Variants in MCUB observed in about 807,000 individuals in gnomAD.
MCUB encodes mitochondrial calcium uniporter dominant negative subunit beta, also known as calcium uniporter regulatory subunit MCUb, mitochondrial.
In MCUB, 46 loss-of-function variants were observed where a neutral mutation model predicts 41.4. That is an observed-to-expected ratio of 1.11 (90% CI 0.88 to 1.42). MCUB has a LOEUF of 1.42. Among genes scored for constraint, MCUB ranks in the 40% most tolerant of loss-of-function variants. MCUB has a pLI of 0.00. For synonymous variants in MCUB, 148 were observed against 148.2 expected (o/e 1.00, Z 0.01); for missense variants, 403 against 404.9 (o/e 1.00, Z 0.04).
intron 1 of MCUB, among the ~76,000 whole-genome samples, chr4:109,602,543 C>T (rs940410210): frequency 2.6e-5 from 4 of 152,090 alleles, no homozygotes; most frequent in African/African-American, 9.7e-5. Context: ...TTTCTGGGTT[C>T]TCTATTCTGT....
At chr4:109,603,994 G>A (rs1290999176) in intron 1 of MCUB, among the ~76,000 whole-genome samples, 2 of 152,170 alleles carry the variant, frequency 1.3e-5, no homozygotes, top group African/African-American at 4.8e-5. Flanking sequence ...TACTGTGTCT[G>A]TGTAGAAAGA....
intron 1 of MCUB, among the ~76,000 whole-genome samples, chr4:109,575,153 G>A (rs1186539630): frequency 6.6e-6 from 1 of 152,118 alleles, no homozygotes; most frequent in Non-Finnish European, 1.5e-5. Flanking sequence ...CTATCACAAT[G>A]TCAGAAACCA....
chr4:109,570,960 A>G (rs1726898423), intron 1 of MCUB, among the ~76,000 whole-genome samples: 1 of 152,224 alleles, frequency 6.6e-6, no homozygotes, highest in Non-Finnish European at 1.5e-5. Context: ...TGCTAGGACT[A>G]AGATGTATAA....
At chr4:109,679,752 A>G (rs1253062063) in intron 4 of MCUB, among the ~76,000 whole-genome samples, 1 of 152,170 alleles carries the variant, frequency 6.6e-6, no homozygotes, top group Non-Finnish European at 1.5e-5. Context: ...GAAAGCTTGC[A>G]ATTATGAACT....
intron 1 of MCUB, among the ~76,000 whole-genome samples, chr4:109,573,311 C>T (rs574762839): frequency 2.0e-5 from 3 of 152,030 alleles, no homozygotes; most frequent in Admixed American, 6.6e-5. Flanking sequence ...AAATTAGCCA[C>T]GCGTGGTGGT....
chr4:109,569,297 C>T (rs904118147), intron 1 of MCUB, among the ~76,000 whole-genome samples: 14 of 152,042 alleles, frequency 9.2e-5, no homozygotes, highest in South Asian at 4.1e-4. Flanking sequence ...CCGCCCGTCT[C>T]GGCCTCCCAA....
At chr4:109,667,459 CTTG>C (rs1299775361) in intron 4 of MCUB, among the ~76,000 whole-genome samples, 4 of 151,568 alleles carry the variant, frequency 2.6e-5, no homozygotes, top group African/African-American at 7.3e-5. Context: ...CCATGAGTAA[CTTG>C]TTGTCTCTTT....
chr4:109,577,600 T>A (rs890111835), intron 1 of MCUB, among the ~76,000 whole-genome samples: 1 of 43,112 alleles, frequency 2.3e-5, no homozygotes, highest in Non-Finnish European at 5.1e-5. Context: ...CTTGAATTCT[T>A]TTTTTTTTTT....
intron 1 of MCUB, among the ~76,000 whole-genome samples, chr4:109,571,667 A>T (rs1346100452): frequency 1.3e-5 from 2 of 152,244 alleles, no homozygotes; most frequent in African/African-American, 4.8e-5. Context: ...TGAGCTCTAC[A>T]GGTCAAGCAG....
chr4:109,682,730 GC>G lies in MCUB; in HGVS notation c.604del (p.Glu203AsnfsTer3). On this transcript the variant is annotated frameshift_variant, in exon 5 of 8. Coordinates refer to ENST00000394650, the MANE Select transcript of MCUB (RefSeq NM_017918.5). LOFTEE classifies it high-confidence loss of function. ...TTGACCACCTGAAGGAACAGCTGCA[GC>G]CCCTTGAACAGGTTAGGAAGCATCA... ...KIDHLKEQLQ[P>X]LEQVKAGIEA... 6.2e-7 allele frequency: 1 copy of G among 1,613,480 alleles called. No individual in the cohort carries two copies.
intron 7 of MCUB, among the ~76,000 whole-genome samples, chr4:109,686,988 G>T (rs1302794899): frequency 2.0e-5 from 3 of 151,382 alleles, no homozygotes; most frequent in African/African-American, 7.3e-5. Flanking sequence ...AATATTAAGT[G>T]GAAAACCATT....
chr4:109,640,204 G>A (rs181470391), intron 1 of MCUB, among the ~76,000 whole-genome samples: 243 of 152,320 alleles, frequency 1.6e-3, no homozygotes, highest in African/African-American at 5.1e-3. Flanking sequence ...TCGCAAGGGC[G>A]GGAGGGTGTA....
intron 1 of MCUB, among the ~76,000 whole-genome samples, chr4:109,607,036 C>G (rs1276789422): frequency 1.3e-5 from 2 of 152,142 alleles, no homozygotes; most frequent in Non-Finnish European, 2.9e-5. Context: ...CATGAGCCAC[C>G]ACGCCTGGTC....
intron 1 of MCUB, among the ~76,000 whole-genome samples, chr4:109,649,514 C>T (rs1377228356): frequency 6.6e-6 from 1 of 152,112 alleles, no homozygotes; most frequent in African/African-American, 2.4e-5. Flanking sequence ...GGTTATCTGA[C>T]TATAGAATTC....
intron 1 of MCUB, among the ~76,000 whole-genome samples, chr4:109,654,653 A>G (rs557492344): frequency 6.6e-6 from 1 of 152,190 alleles, no homozygotes; most frequent in Non-Finnish European, 1.5e-5. Context: ...TTCTGAAACT[A>G]CTGGAAGGCT....
At chr4:109,574,997 T>C (rs934856379) in intron 1 of MCUB, among the ~76,000 whole-genome samples, 1 of 152,164 alleles carries the variant, frequency 6.6e-6, no homozygotes, top group South Asian at 2.1e-4. Context: ...GGTAGATTAT[T>C]GAGAAGCCAA....
At chr4:109,571,131 T>C (rs953595903) in intron 1 of MCUB, among the ~76,000 whole-genome samples, 11 of 152,208 alleles carry the variant, frequency 7.2e-5, no homozygotes, top group Non-Finnish European at 1.6e-4. Flanking sequence ...TATTTCTCTT[T>C]AGAATCATTA....
chr4:109,562,879 G>A lies in MCUB; in HGVS notation c.99+2443G>A, dbSNP rs1425819397. Among the ~76,000 whole-genome samples, 5 of 150,030 alleles carry A rather than the reference G, an allele frequency of 3.3e-5. No homozygotes were observed. The East Asian group carries it at 9.6e-4, about 29-fold the overall frequency. On this transcript the variant is annotated intron_variant, in intron 1 of 7. Transcript: ENST00000394650. ...TGTCTGCTAGTGTTTTCTGGGTGAG[G>A]GGAAAAAAAAACAGTTTGTTGACAT...
intron 4 of MCUB, among the ~76,000 whole-genome samples, chr4:109,670,291 T>G (rs1358269125): frequency 1.3e-5 from 2 of 152,070 alleles, no homozygotes; most frequent in East Asian, 3.8e-4. Flanking sequence ...CCCACCACCT[T>G]AGGTGGGATA....
Sources: allele counts gnomAD v4.1 joint callset (sites outside exome capture counted in the v4.1 genomes callset), GRCh38; gene constraint gnomAD v4.1.1; transcripts MANE v1.5; gene names NCBI Gene and HGNC (gene_info 2026-07-23, HGNC 2026-07-21).